The following L3MBTL4 variants were observed in gnomAD, a reference collection of about 807,000 sequenced individuals.
L3MBTL4 encodes the protein lethal(3)malignant brain tumor-like protein 4.
L3MBTL4 carries 70 observed loss-of-function variants against 84.5 expected under a neutral mutation model. The observed-to-expected ratio is 0.83, with a 90% CI of 0.68 to 1.01. L3MBTL4 has a LOEUF of 1.01. L3MBTL4 is among the 50% of genes least tolerant of loss of function. The pLI, the probability that L3MBTL4 is intolerant of heterozygous loss-of-function variation, is 0.00. For missense variants in L3MBTL4, 715 were observed against 754.8 expected, an observed-to-expected ratio of 0.95 and a Z score of 0.62; for synonymous variants, 274 against 259.8, an observed-to-expected ratio of 1.05 and a Z score of -0.52.
At chr18:6,074,915 C>G (rs1442714463) in intron 16 of L3MBTL4, among the ~76,000 whole-genome samples, 1 of 151,928 alleles carries the variant, frequency 6.6e-6, no homozygotes, top group Non-Finnish European at 1.5e-5. Flanking sequence ...ATGATCATCT[C>G]TATACAAGCA....
At chr18:6,071,842 G>A (rs7240128) in intron 16 of L3MBTL4, among the ~76,000 whole-genome samples, 36,856 of 100,698 alleles carry the variant, frequency 0.37, 6,315 homozygotes, top group East Asian at 0.62. Context: ...GAAAGAGAAA[G>A]AGAGAGAGGG....
intron 4 of L3MBTL4, among the ~76,000 whole-genome samples, chr18:6,284,552 G>A (rs1321949133): frequency 1.3e-5 from 2 of 152,318 alleles, no homozygotes; most frequent in East Asian, 1.9e-4. Context: ...CCGCCGCAGC[G>A]CCGCCACCTT....
At chr18:6,260,806 T>G (rs1183480379) in intron 5 of L3MBTL4, 1 of 152,234 alleles carries the variant, frequency 6.6e-6, no homozygotes, top group African/African-American at 2.4e-5. Flanking sequence ...ATTTACACAA[T>G]GAAAATGAAC....
At chr18:6,253,242 T>G (rs1161050284) in intron 5 of L3MBTL4, among the ~76,000 whole-genome samples, 1 of 152,140 alleles carries the variant, frequency 6.6e-6, no homozygotes, top group East Asian at 1.9e-4. Context: ...ATATTGGAAC[T>G]ATGACAATCC....
intron 18 of L3MBTL4, among the ~76,000 whole-genome samples, chr18:5,958,057 A>T: frequency 8.0e-6 from 1 of 125,288 alleles, no homozygotes; most frequent in Non-Finnish European, 1.6e-5. Context: ...AAGGAGAAGG[A>T]GAAGGAGAAG....
intron 10 of L3MBTL4, among the ~76,000 whole-genome samples, chr18:6,231,666 G>A (rs1027553813): frequency 7.9e-5 from 12 of 152,002 alleles, no homozygotes; most frequent in Admixed American, 5.9e-4. Flanking sequence ...TGATGCTACT[G>A]CAAATTGAGG....
intron 15 of L3MBTL4, chr18:6,081,177 C>T: frequency 2.5e-6 from 1 of 402,078 alleles, no homozygotes; most frequent in East Asian, 4.1e-5. Flanking sequence ...CCTTTCCCCC[C>T]TCATTCTATT....
At chr18:6,295,602 A>C in intron 4 of L3MBTL4, among the ~76,000 whole-genome samples, 1 of 152,054 alleles carries the variant, frequency 6.6e-6, no homozygotes, top group Non-Finnish European at 1.5e-5. Flanking sequence ...AAGAGCAAAG[A>C]AATTATTTGA....
At chr18:6,238,613 A>T (rs1414691364) in intron 9 of L3MBTL4, among the ~76,000 whole-genome samples, 2 of 152,230 alleles carry the variant, frequency 1.3e-5, no homozygotes, top group African/African-American at 4.8e-5. Flanking sequence ...AAAGTGAGTG[A>T]GCATTTTAAT....
At chr18:6,361,309 G>A (rs1276033796) in intron 1 of L3MBTL4, among the ~76,000 whole-genome samples, 1 of 152,092 alleles carries the variant, frequency 6.6e-6, no homozygotes, top group African/African-American at 2.4e-5. Flanking sequence ...AAATAGTAAT[G>A]ACAGTCTACC....
At chr18:5,981,937 T>C (rs1327902170) in intron 16 of L3MBTL4, among the ~76,000 whole-genome samples, 1 of 150,576 alleles carries the variant, frequency 6.6e-6, no homozygotes, top group East Asian at 1.9e-4. Context: ...TTTTTCCTAT[T>C]TATCAACAGT....
chr18:6,068,637 G>A (rs1211468429), intron 16 of L3MBTL4, among the ~76,000 whole-genome samples: 1 of 151,764 alleles, frequency 6.6e-6, no homozygotes, highest in East Asian at 1.9e-4. Flanking sequence ...ATTGTTCCTG[G>A]AAGGCCATCT....
chr18:6,195,869 A>G (rs1382063187), intron 12 of L3MBTL4, among the ~76,000 whole-genome samples: 1 of 152,150 alleles, frequency 6.6e-6, no homozygotes, highest in African/African-American at 2.4e-5. Context: ...CCCAGAGCAG[A>G]CAATGTAATA....
chr18:5,962,581 T>G (rs542582859), intron 17 of L3MBTL4, among the ~76,000 whole-genome samples: 1 of 152,314 alleles, frequency 6.6e-6, no homozygotes, highest in Non-Finnish European at 1.5e-5. Context: ...TCACGCTGAC[T>G]GCAGTCCAGG....
chr18:5,971,223 G>C (rs1275682038), intron 16 of L3MBTL4, among the ~76,000 whole-genome samples: 1 of 152,162 alleles, frequency 6.6e-6, no homozygotes, highest in Non-Finnish European at 1.5e-5. Flanking sequence ...GCTGGACAAG[G>C]GGCATGTACA....
chr18:6,006,161 AT>A lies in L3MBTL4; in HGVS notation c.1445-36600del, dbSNP rs2054475132. Among the ~76,000 whole-genome samples, 18 of 152,362 alleles carry A rather than the reference AT, an allele frequency of 1.2e-4. No individual in the cohort carries two copies. In the South Asian group the frequency reaches 3.3e-3, roughly 28 times the overall value. ...CACAAACTCAAGAAATATGGTTCCCATTAGTGCTTCTGGAGGATATCTCTAG... is the reference window on the plus strand; with the variant it reads ...CACAAACTCAAGAAATATGGTTCCCATAGTGCTTCTGGAGGATATCTCTAG... On this transcript the variant is annotated intron_variant, in intron 16 of 18. Coordinates refer to ENST00000317931, the MANE Select transcript of L3MBTL4 (RefSeq NM_001330559.2).
intron 1 of L3MBTL4, among the ~76,000 whole-genome samples, chr18:6,371,586 C>T (rs985880651): frequency 6.6e-6 from 1 of 152,174 alleles, no homozygotes; most frequent in South Asian, 2.1e-4. Context: ...TACCACAGAG[C>T]ATATCTTCCA....
intron 14 of L3MBTL4, among the ~76,000 whole-genome samples, chr18:6,106,861 T>A (rs1420710134): frequency 6.6e-6 from 1 of 152,174 alleles, no homozygotes; most frequent in East Asian, 1.9e-4. Context: ...CTGTAGAATG[T>A]CCCTGTATGC....
At chr18:5,989,947 G>A (rs1316736287) in intron 16 of L3MBTL4, among the ~76,000 whole-genome samples, 2 of 152,224 alleles carry the variant, frequency 1.3e-5, no homozygotes, top group Non-Finnish European at 2.9e-5. Context: ...GGCAAGTAGA[G>A]TGGGCCTTAT....
Sources: gnomAD v4.1 joint callset for allele counts (sites outside exome capture counted in the v4.1 genomes callset) on GRCh38, gnomAD v4.1.1 for gene constraint, MANE v1.5 for transcripts, NCBI Gene and HGNC (gene_info 2026-07-23, HGNC 2026-07-21) for gene names.